Variants in RAB31 observed in about 807,000 individuals in gnomAD.
RAB31 encodes the protein RAB31, member RAS oncogene family, also known as ras-related protein Rab-31.
Under a neutral mutation model 25.6 loss-of-function variants are expected in RAB31, and 21 were observed. The observed-to-expected ratio is 0.82, with a 90% confidence interval of 0.58 to 1.18. The LOEUF is 1.18. Ranked by LOEUF, RAB31 falls within the 50% of genes most tolerant of loss-of-function variation. The pLI is 0.00. For synonymous variants in RAB31, 87 were observed against 84.0 expected, an observed-to-expected ratio of 1.04 and a Z score of -0.20; for missense variants, 196 against 250.1, an observed-to-expected ratio of 0.78 and a Z score of 1.46.
chr18:9,782,641 G>T (rs183094340), intron 2 of RAB31, among the ~76,000 whole-genome samples: 26 of 151,936 alleles, frequency 1.7e-4, no homozygotes, highest in African/African-American at 6.3e-4. Context: ...GGGCCAGTGC[G>T]CCTCCTCCAC....
chr18:9,737,307 GCA>G (rs138686159), intron 1 of RAB31, among the ~76,000 whole-genome samples: 1 of 151,134 alleles, frequency 6.6e-6, no homozygotes, highest in Non-Finnish European at 1.5e-5. Flanking sequence ...GGTGACACGT[GCA>G]CACACACACA....
intron 2 of RAB31, among the ~76,000 whole-genome samples, chr18:9,785,843 C>T (rs2068429229): frequency 6.6e-6 from 1 of 152,178 alleles, no homozygotes; most frequent in Non-Finnish European, 1.5e-5. Flanking sequence ...GGTGGATCAT[C>T]TGAAGTCAGG....
intron 1 of RAB31, among the ~76,000 whole-genome samples, chr18:9,745,888 C>T (rs1453501705): frequency 6.6e-6 from 1 of 152,190 alleles, no homozygotes; most frequent in Non-Finnish European, 1.5e-5. Flanking sequence ...CCCACTTTCA[C>T]CGTGGCTGTT....
At chr18:9,759,255 C>A (rs1182007325) in intron 1 of RAB31, among the ~76,000 whole-genome samples, 1 of 151,954 alleles carries the variant, frequency 6.6e-6, no homozygotes, top group Non-Finnish European at 1.5e-5. Context: ...AGTGCAGCCT[C>A]AACCTCCTGG....
chr18:9,740,490 G>A (rs1256057545), intron 1 of RAB31, among the ~76,000 whole-genome samples: 1 of 152,176 alleles, frequency 6.6e-6, no homozygotes, highest in Non-Finnish European at 1.5e-5. Context: ...GAGGAAGGTG[G>A]ATCACTTGAG....
chr18:9,764,394 G>T (rs1431931956), intron 1 of RAB31, among the ~76,000 whole-genome samples: 1 of 152,228 alleles, frequency 6.6e-6, no homozygotes, highest in Non-Finnish European at 1.5e-5. Flanking sequence ...CTGGAGAGAT[G>T]GTTTGGCTGG....
chr18:9,721,634 T>G (rs1355705973), intron 1 of RAB31, among the ~76,000 whole-genome samples: 2 of 145,692 alleles, frequency 1.4e-5, no homozygotes, highest in Admixed American at 6.8e-5. Context: ...AAAAAAGAAA[T>G]AACTGGGGCC....
intron 5 of RAB31, among the ~76,000 whole-genome samples, chr18:9,834,569 G>T (rs1599059634): frequency 6.6e-6 from 1 of 152,190 alleles, no homozygotes; most frequent in South Asian, 2.1e-4. Flanking sequence ...GAAGGGGAAG[G>T]TTCTACCAAC....
intron 2 of RAB31, chr18:9,787,069 C>CTACA (rs1379674049): frequency 9.6e-6 from 2 of 208,434 alleles, no homozygotes; most frequent in African/African-American, 2.3e-5. Flanking sequence ...TCTGCCTGAA[C>CTACA]TACAGCTATT....
At chr18:9,812,788 C>T (rs576975250) in intron 3 of RAB31, among the ~76,000 whole-genome samples, 2 of 147,170 alleles carry the variant, frequency 1.4e-5, no homozygotes, top group African/African-American at 5.0e-5. Flanking sequence ...ACCTCTGCCT[C>T]CCGGGTTCTA....
rs376871777 is a variant in RAB31, at chr18:9,846,311, A to G, written c.490+620A>G. Among the ~76,000 whole-genome samples the G allele has an allele frequency of 7.9e-5, 12 of 152,284 alleles. No homozygotes were observed. In the East Asian group the frequency reaches 1.4e-3, roughly 17 times the overall value. ...TATCAACCAGAGCTGGTTCCCAGCT[A>G]ATGGCTCTGCCAACACATCTATCTG... On this transcript the variant is annotated intron_variant, in intron 6 of 6. Transcript: ENST00000578921.
At position 9,708,749 on chromosome 18, in the gene RAB31, C is replaced by T. The variant is rs1264944190; in HGVS notation, c.39+305C>T. The stretch of plus-strand genomic sequence containing the variant: ...CTGCCGGGGTCCGGGTCCGAGCCTG[C>T]CCCGGGCTTACTCCGCTCTTTCCTC... On this transcript the variant is annotated intron_variant, in intron 1 of 6. Coordinates refer to ENST00000578921, the MANE Select transcript of RAB31 (RefSeq NM_006868.4). This position sits in a 1 kb window ranked among gnomAD's most constrained non-coding sequence, Gnocchi z 6.4. 1.3e-5 allele frequency among the ~76,000 whole-genome samples: 2 copies of T among 152,062 alleles called. No homozygotes were observed. Among genetic ancestry groups the T allele is most frequent in the African/African-American group, 4.8e-5 (2 of 41,410 alleles).
At chr18:9,764,922 C>A (rs2068307591) in intron 1 of RAB31, among the ~76,000 whole-genome samples, 1 of 152,090 alleles carries the variant, frequency 6.6e-6, no homozygotes, top group African/African-American at 2.4e-5. Context: ...GTGACTCAGA[C>A]CCAGTGCAGA....
At chr18:9,804,606 CTAA>C (rs1363906683) in intron 3 of RAB31, among the ~76,000 whole-genome samples, 6 of 152,170 alleles carry the variant, frequency 3.9e-5, no homozygotes, top group African/African-American at 7.2e-5. Context: ...CTACGTCTGG[CTAA>C]AATACAGTAG....
chr18:9,725,181 C>G (rs1233475374), intron 1 of RAB31, among the ~76,000 whole-genome samples: 1 of 152,126 alleles, frequency 6.6e-6, no homozygotes, highest in African/African-American at 2.4e-5. Flanking sequence ...CTGACCTAGC[C>G]TCACAGATCC....
chr18:9,712,988 G>C (rs2068025587), intron 1 of RAB31, among the ~76,000 whole-genome samples: 1 of 152,170 alleles, frequency 6.6e-6, no homozygotes, highest in African/African-American at 2.4e-5. Context: ...GAGACATCTG[G>C]GTAATGGGTA....
At chr18:9,757,236 G>A (rs992969249) in intron 1 of RAB31, among the ~76,000 whole-genome samples, 12 of 152,204 alleles carry the variant, frequency 7.9e-5, no homozygotes, top group African/African-American at 1.7e-4. Flanking sequence ...AGCAGCACCC[G>A]GCATGGTGGA....
chr18:9,798,159 T>C (rs2068495767), intron 3 of RAB31, among the ~76,000 whole-genome samples: 1 of 152,214 alleles, frequency 6.6e-6, no homozygotes, highest in Non-Finnish European at 1.5e-5. Context: ...CGGATTTAGT[T>C]TGGGATAACG....
chr18:9,776,920 A>G (rs552389695), intron 2 of RAB31, among the ~76,000 whole-genome samples: 1 of 152,156 alleles, frequency 6.6e-6, no homozygotes, highest in Non-Finnish European at 1.5e-5. Flanking sequence ...CAAATCTGAA[A>G]CTTTTGAGTG....
Sources: allele counts gnomAD v4.1 joint callset (sites outside exome capture counted in the v4.1 genomes callset), GRCh38; gene constraint gnomAD v4.1.1; non-coding constraint Gnocchi (gnomAD v3.1); transcripts MANE v1.5; gene names NCBI Gene and HGNC (gene_info 2026-07-23, HGNC 2026-07-21).